NBAS: variants seen among roughly 807,000 people sequenced by gnomAD.
NBAS encodes NBAS subunit of NRZ tethering complex.
Under a neutral mutation model 302.5 loss-of-function variants are expected in NBAS, and 219 were observed. That is an observed-to-expected ratio of 0.72 (90% CI 0.65 to 0.81). NBAS has a LOEUF of 0.81. Ranked by LOEUF, NBAS falls within the 30% of genes least tolerant of loss-of-function variation. NBAS has a pLI of 0.00. For missense variants in NBAS, 2,932 were observed against 2,841.6 expected, an observed-to-expected ratio of 1.03 and a Z score of -0.72; for synonymous variants, 1,118 against 1,021.6, an observed-to-expected ratio of 1.09 and a Z score of -1.80.
At chr2:15,296,094 CA>C (rs1156756906) in intron 40 of NBAS, among the ~76,000 whole-genome samples, 3 of 152,192 alleles carry the variant, frequency 2.0e-5, no homozygotes, top group Admixed American at 6.5e-5. Flanking sequence ...CTTACACAAT[CA>C]TAAGCCAAGA....
chr2:15,263,422 T>C (rs189384241), intron 44 of NBAS, among the ~76,000 whole-genome samples: 41 of 152,270 alleles, frequency 2.7e-4, no homozygotes, highest in African/African-American at 9.4e-4. Context: ...AACAAAAATA[T>C]GACAATGTCA....
At chr2:15,206,710 G>C (rs957377551) in intron 48 of NBAS, among the ~76,000 whole-genome samples, 1 of 152,232 alleles carries the variant, frequency 6.6e-6, no homozygotes, top group Non-Finnish European at 1.5e-5. Flanking sequence ...CAAACACAGA[G>C]CTCAGGCCAT....
the NBAS span, among the ~76,000 whole-genome samples, chr2:14,891,838 T>G: frequency 6.6e-6 from 1 of 152,180 alleles, no homozygotes; most frequent in South Asian, 2.1e-4. Flanking sequence ...TTACTTTACC[T>G]TCACCACATT....
chr2:15,291,488 C>A (rs1295304911), intron 41 of NBAS, among the ~76,000 whole-genome samples: 2 of 152,182 alleles, frequency 1.3e-5, no homozygotes, highest in Non-Finnish European at 1.5e-5. Context: ...ATTTTCCCAA[C>A]TTCTGACATG....
chr2:15,429,216 CTT>C (rs2148487713), intron 21 of NBAS, among the ~76,000 whole-genome samples: 2 of 152,214 alleles, frequency 1.3e-5, no homozygotes, highest in East Asian at 3.9e-4. Context: ...AACATTCTCT[CTT>C]AAGTCCCTTT....
At chr2:15,543,203 G>T (rs1185044790) in intron 6 of NBAS, among the ~76,000 whole-genome samples, 1 of 152,124 alleles carries the variant, frequency 6.6e-6, no homozygotes, top group Non-Finnish European at 1.5e-5. Context: ...ATCAGCTGTA[G>T]CTCCTCAAAT....
chr2:15,169,088 T>C (rs1300175326), intron 51 of NBAS, among the ~76,000 whole-genome samples: 1 of 152,220 alleles, frequency 6.6e-6, no homozygotes, highest in Non-Finnish European at 1.5e-5. Context: ...TTTTGTAAAC[T>C]GCACAAGTAC....
the NBAS span, among the ~76,000 whole-genome samples, chr2:14,873,665 T>C: frequency 6.9e-6 from 1 of 144,322 alleles, no homozygotes; most frequent in East Asian, 2.0e-4. Context: ...CAAATATATC[T>C]GGAAGATTCC....
At chr2:14,990,840 A>T in the NBAS span, among the ~76,000 whole-genome samples, 2 of 152,294 alleles carry the variant, frequency 1.3e-5, no homozygotes, top group East Asian at 3.9e-4. Flanking sequence ...TATAGAGAAC[A>T]TGAGATAATA....
chr2:15,298,325 A>G (rs1443469541), intron 40 of NBAS, among the ~76,000 whole-genome samples: 1 of 152,202 alleles, frequency 6.6e-6, no homozygotes, highest in African/African-American at 2.4e-5. Flanking sequence ...AAAACATGAT[A>G]CTGAGAAGAA....
At chr2:15,405,534 C>A (rs1389082797) in intron 25 of NBAS, among the ~76,000 whole-genome samples, 1 of 152,142 alleles carries the variant, frequency 6.6e-6, no homozygotes, top group Non-Finnish European at 1.5e-5. Context: ...CCATCTGGGA[C>A]TTCCTAAGAA....
the NBAS span, among the ~76,000 whole-genome samples, chr2:15,158,504 CAT>C: frequency 7.2e-5 from 11 of 152,342 alleles, no homozygotes; most frequent in Middle Eastern, 3.4e-3. Context: ...GTCTTTGCTG[CAT>C]AAGCCTCCCA....
chr2:14,983,086 T>G, the NBAS span, among the ~76,000 whole-genome samples: 7 of 152,224 alleles, frequency 4.6e-5, no homozygotes, highest in Non-Finnish European at 7.3e-5. Context: ...TTATTAGGTC[T>G]TTGAACTCAG....
chr2:14,876,315 C>G, the NBAS span, among the ~76,000 whole-genome samples: 194 of 152,274 alleles, frequency 1.3e-3, no homozygotes, highest in Admixed American at 2.3e-3. Flanking sequence ...AGTAGATTAA[C>G]AGAACTAGTG....
At chr2:14,826,086 T>G in the NBAS span, among the ~76,000 whole-genome samples, 1 of 152,194 alleles carries the variant, frequency 6.6e-6, no homozygotes, top group Non-Finnish European at 1.5e-5. Flanking sequence ...AGAGGCTAAA[T>G]GAGGAGGGTG....
chr2:14,789,860 T>G, the NBAS span, among the ~76,000 whole-genome samples: 5 of 152,182 alleles, frequency 3.3e-5, no homozygotes, highest in Non-Finnish European at 2.9e-5. Context: ...ACAGCAGATG[T>G]TCAGCAAATG....
chr2:15,053,696 G>A, the NBAS span, among the ~76,000 whole-genome samples: 1 of 151,994 alleles, frequency 6.6e-6, no homozygotes, highest in East Asian at 1.9e-4. Context: ...AGAAGCCTAG[G>A]GCACGTCCAT....
chr2:14,888,219 C>G, the NBAS span, among the ~76,000 whole-genome samples: 1 of 152,224 alleles, frequency 6.6e-6, no homozygotes, highest in African/African-American at 2.4e-5. Flanking sequence ...CAACCTCCGC[C>G]TCCTGGGTTC....
the NBAS span, among the ~76,000 whole-genome samples, chr2:15,039,313 C>A: frequency 6.6e-6 from 1 of 152,134 alleles, no homozygotes; most frequent in South Asian, 2.1e-4. Flanking sequence ...GAAGCCAGCC[C>A]CCAGCTTCCT....
Sources: allele counts gnomAD v4.1 joint callset (sites outside exome capture counted in the v4.1 genomes callset), GRCh38; gene constraint gnomAD v4.1.1; transcripts MANE v1.5; gene names NCBI Gene and HGNC (gene_info 2026-07-23, HGNC 2026-07-21).